Variants in ERC1 observed in about 807,000 individuals in gnomAD.
The protein encoded by ERC1 is ELKS/RAB6-interacting/CAST family member 1.
A neutral mutation model predicts 132.0 loss-of-function variants in ERC1; 56 were observed. The observed-to-expected ratio is 0.42, with a 90% CI of 0.34 to 0.53. The LOEUF is 0.53. Ranked by LOEUF, ERC1 falls within the 20% of genes least tolerant of loss-of-function variation. The probability of loss-of-function intolerance (pLI) is 0.03; values close to 1 mark genes in which losing one functional copy is unlikely to be tolerated. For synonymous variants in ERC1, 478 were observed against 476.1 expected (o/e 1.00, Z -0.05); for missense variants, 1,202 against 1,349.9 (o/e 0.89, Z 1.72).
chr12:1,395,928 G>T (rs2090504435), intron 16 of ERC1, among the ~76,000 whole-genome samples: 1 of 141,674 alleles, frequency 7.1e-6, no homozygotes, highest in Non-Finnish European at 1.6e-5. Context: ...AAACTACATG[G>T]AGTCTTAAAA....
chr12:1,298,766 G>C (rs2080171904), intron 15 of ERC1, among the ~76,000 whole-genome samples: 1 of 150,138 alleles, frequency 6.7e-6, no homozygotes, highest in Non-Finnish European at 1.5e-5. Flanking sequence ...AGAGATACTA[G>C]ATTAGAAAAA....
At chr12:1,121,643 C>CTCTATCTCTATCTCTA (rs1947102017) in intron 7 of ERC1, among the ~76,000 whole-genome samples, 1 of 21,008 alleles carries the variant, frequency 4.8e-5, no homozygotes, top group Admixed American at 6.1e-4. Flanking sequence ...GGCTGATGAT[C>CTCTATCTCTATCTCTA]TCTATCTCTA....
At chr12:1,469,851 G>GGCCCC (rs1229188321) in intron 18 of ERC1, among the ~76,000 whole-genome samples, 1 of 150,224 alleles carries the variant, frequency 6.7e-6, no homozygotes, top group Non-Finnish European at 1.5e-5. Flanking sequence ...TGCAACTCCA[G>GGCCCC]GCCCCACCCC....
chr12:1,081,079 T>C lies in ERC1; in HGVS notation c.670-2085T>C, dbSNP rs140487831. Reference sequence around the variant, plus strand: ...AGTCAGAACTGAAACTCATGTTTTCTCATCACAGTTTCGTGTTCTTCCCAG... The same window carrying C: ...AGTCAGAACTGAAACTCATGTTTTCCCATCACAGTTTCGTGTTCTTCCCAG... On this transcript the variant is annotated intron_variant, in intron 2 of 18. Coordinates refer to ENST00000360905, the MANE Select transcript of ERC1 (RefSeq NM_178040.4). Among the ~76,000 whole-genome samples the C allele has an allele frequency of 5.0e-3, 764 of 152,350 alleles. 10 individuals are homozygous for C. Among genetic ancestry groups the C allele is most frequent in the African/African-American group, 0.018 (737 of 41,576 alleles).
At chr12:1,159,168 A>G (rs1006220494) in intron 8 of ERC1, among the ~76,000 whole-genome samples, 3 of 152,126 alleles carry the variant, frequency 2.0e-5, no homozygotes, top group Non-Finnish European at 2.9e-5. Context: ...TTTTGACCCT[A>G]TTTTGTTTAA....
At position 1,236,859 on chromosome 12, in the gene ERC1, G is replaced by A. The variant is rs890881474; in HGVS notation, c.2442G>A (p.Ala814=). The A allele has an allele frequency of 1.9e-5, 30 of 1,613,848 alleles. No homozygotes were observed. Among genetic ancestry groups the A allele is most frequent in the African/African-American group, 6.7e-5 (5 of 74,924 alleles). ...AGAGTGCACAAATGTTAGAGGAGGC[G>A]CGACGACGGGAGGACAATCTCAACG... ...KKKSAQMLEE[A]RRREDNLNDS... is the part of the protein sequence containing the mutation. Residue 814 remains alanine (A), a synonymous_variant, in exon 13 of 19, where the codon GCG becomes GCA. Transcript: ENST00000360905.
chr12:1,385,323 C>T (rs963366836), intron 16 of ERC1, among the ~76,000 whole-genome samples: 2 of 152,140 alleles, frequency 1.3e-5, no homozygotes, highest in African/African-American at 4.8e-5. Context: ...CGCTCTGTCG[C>T]CCAGGCTGGA....
intron 18 of ERC1, among the ~76,000 whole-genome samples, chr12:1,460,981 T>TTTC (rs61029874): frequency 2.2e-5 from 3 of 137,786 alleles, no homozygotes; most frequent in African/African-American, 5.8e-5. Flanking sequence ...TTTTTTTTTT[T>TTTC]CATTTTTCTA....
chr12:1,118,944 A>G (rs1228055992), intron 7 of ERC1, among the ~76,000 whole-genome samples: 1 of 152,208 alleles, frequency 6.6e-6, no homozygotes, highest in Non-Finnish European at 1.5e-5. Flanking sequence ...GATTATATTA[A>G]TAGCTCATTG....
intron 18 of ERC1, among the ~76,000 whole-genome samples, chr12:1,454,902 A>G (rs897185714): frequency 1.3e-5 from 2 of 152,218 alleles, no homozygotes; most frequent in Non-Finnish European, 2.9e-5. Flanking sequence ...TCATTTGATA[A>G]TAGAAGAAAA....
At chr12:1,283,016 G>A (rs904325224) in intron 14 of ERC1, among the ~76,000 whole-genome samples, 4 of 152,208 alleles carry the variant, frequency 2.6e-5, no homozygotes, top group African/African-American at 7.2e-5. Context: ...AACAGAAGAA[G>A]GTGGGAAACT....
chr12:1,268,752 C>T (rs763274752), intron 14 of ERC1, among the ~76,000 whole-genome samples: 19 of 151,768 alleles, frequency 1.3e-4, no homozygotes, highest in Non-Finnish European at 2.6e-4. Flanking sequence ...GGCGACAGAG[C>T]GAGACTCCAT....
At chr12:1,164,870 C>G (rs954052297) in intron 8 of ERC1, among the ~76,000 whole-genome samples, 3 of 152,094 alleles carry the variant, frequency 2.0e-5, no homozygotes, top group Admixed American at 2.0e-4. Context: ...ACTCCCTTTT[C>G]TGTTGTCTTA....
chr12:1,031,303 C>T (rs1967989774), intron 2 of ERC1, among the ~76,000 whole-genome samples: 1 of 152,184 alleles, frequency 6.6e-6, no homozygotes, highest in Non-Finnish European at 1.5e-5. Flanking sequence ...TGAAATATCT[C>T]TATGCATATA....
chr12:1,363,201 T>A (rs571825792), intron 15 of ERC1, among the ~76,000 whole-genome samples: 1 of 152,300 alleles, frequency 6.6e-6, no homozygotes, highest in Admixed American at 6.5e-5. Context: ...CAAACTTTTG[T>A]TTTTTGACAA....
chr12:1,449,610 T>G (rs1312655703), intron 18 of ERC1, among the ~76,000 whole-genome samples: 1 of 152,140 alleles, frequency 6.6e-6, no homozygotes, highest in African/African-American at 2.4e-5. Flanking sequence ...TGTGAGTCAA[T>G]TAAACCTCTT....
At chr12:1,292,597 T>C (rs2154341019) in intron 15 of ERC1, among the ~76,000 whole-genome samples, 1 of 152,022 alleles carries the variant, frequency 6.6e-6, no homozygotes, top group Admixed American at 6.6e-5. Context: ...CAAAAAAAGG[T>C]CTCCCACAAA....
intron 18 of ERC1, among the ~76,000 whole-genome samples, chr12:1,478,707 T>G (rs1400643162): frequency 6.6e-6 from 1 of 151,898 alleles, no homozygotes; most frequent in Non-Finnish European, 1.5e-5. Flanking sequence ...GAGGATGGTG[T>G]GAACCCGGGA....
At chr12:1,140,996 A>G (rs529692431) in intron 7 of ERC1, among the ~76,000 whole-genome samples, 1 of 152,266 alleles carries the variant, frequency 6.6e-6, no homozygotes, top group East Asian at 1.9e-4. Flanking sequence ...TAAAAGCTTA[A>G]TAAAATTTTC....
Sources: allele counts gnomAD v4.1 joint callset (sites outside exome capture counted in the v4.1 genomes callset), GRCh38; gene constraint gnomAD v4.1.1; transcripts MANE v1.5; gene names NCBI Gene and HGNC (gene_info 2026-07-23, HGNC 2026-07-21).